Variants in ZFAT observed in about 807,000 individuals in gnomAD.
ZFAT encodes the protein zinc finger and AT-hook domain containing.
Under a neutral mutation model 117.7 loss-of-function variants are expected in ZFAT, and 64 were observed. That is an observed-to-expected ratio of 0.54 (90% CI 0.44 to 0.67). The LOEUF (loss-of-function observed/expected upper bound fraction) is 0.67. Among genes scored for constraint, ZFAT ranks in the 30% least tolerant of loss-of-function variants. ZFAT has a pLI of 0.00. For missense variants in ZFAT, 1,433 were observed against 1,584.5 expected (o/e 0.90, Z 1.62); for synonymous variants, 679 against 615.0 (o/e 1.10, Z -1.54).
the ZFAT span, among the ~76,000 whole-genome samples, chr8:134,829,313 G>C: frequency 6.6e-6 from 1 of 152,344 alleles, no homozygotes; most frequent in African/African-American, 2.4e-5. Context: ...TGTGGCCCAA[G>C]ACAATTCTTC....
chr8:134,616,139 G>A (rs545085408), intron 3 of ZFAT, among the ~76,000 whole-genome samples: 14 of 152,198 alleles, frequency 9.2e-5, no homozygotes, highest in Admixed American at 2.0e-4. Flanking sequence ...GTTCTCCACC[G>A]CACTCCTGTA....
At chr8:134,585,558 C>T (rs1224318004) in intron 9 of ZFAT, among the ~76,000 whole-genome samples, 1 of 152,178 alleles carries the variant, frequency 6.6e-6, no homozygotes, top group African/African-American at 2.4e-5. Flanking sequence ...CCAAGCAAAG[C>T]AACACAGAGA....
intron 1 of ZFAT, among the ~76,000 whole-genome samples, chr8:134,699,970 G>C (rs1208146123): frequency 6.6e-6 from 1 of 152,234 alleles, no homozygotes; most frequent in East Asian, 1.9e-4. Flanking sequence ...ACAGCTGCAA[G>C]TCCTGTGCAT....
the ZFAT span, among the ~76,000 whole-genome samples, chr8:134,760,631 G>A: frequency 6.6e-6 from 1 of 152,180 alleles, no homozygotes; most frequent in Non-Finnish European, 1.5e-5. Context: ...AGTACTAAAT[G>A]CTGGGAGGAA....
chr8:134,540,197 G>A (rs1008913300), intron 11 of ZFAT, among the ~76,000 whole-genome samples: 1 of 152,146 alleles, frequency 6.6e-6, no homozygotes, highest in South Asian at 2.1e-4. Context: ...GGAATGCAGG[G>A]GCAGGCAGCC....
chr8:134,514,361 C>T (rs974956425), intron 13 of ZFAT, among the ~76,000 whole-genome samples: 1 of 152,292 alleles, frequency 6.6e-6, no homozygotes, highest in South Asian at 2.1e-4. Context: ...ACTCGAGTGT[C>T]TATTTTGTTA....
intron 3 of ZFAT, among the ~76,000 whole-genome samples, chr8:134,611,668 G>T (rs1348795768): frequency 6.6e-6 from 1 of 152,200 alleles, no homozygotes; most frequent in Non-Finnish European, 1.5e-5. Flanking sequence ...ACTGGAAATC[G>T]AGATTTACAT....
In ZFAT at chr8:134,602,600, G is replaced by A. The variant is rs760939168; in HGVS notation, c.1119C>T (p.Ile373=). The A allele has an allele frequency of 8.7e-6, 14 of 1,614,036 alleles. No individual in the cohort carries two copies. The highest frequency in any genetic ancestry group is 1.3e-5 in the African/African-American group (1 of 74,950). The change falls in exon 6 of 16, where the codon ATC becomes ATT. Residue 373 remains isoleucine (I), a synonymous_variant. Transcript: ENST00000377838. ...TGTCCTGTGGGTCATGCGCGTCTCG[G>A]ATGTGCTTGATGAGGTTCTTGACGT... The part of the protein sequence containing the change: ...YSDVKNLIKH[I]RDAHDPQDKK...
intron 3 of ZFAT, among the ~76,000 whole-genome samples, chr8:134,629,848 A>C (rs1258104716): frequency 1.3e-5 from 2 of 152,162 alleles, no homozygotes; most frequent in African/African-American, 4.8e-5. Context: ...GGACTAATAC[A>C]CTGGCAAGTG....
chr8:134,562,205 A>G (rs1824102131), intron 11 of ZFAT, among the ~76,000 whole-genome samples: 1 of 152,220 alleles, frequency 6.6e-6, no homozygotes, highest in African/African-American at 2.4e-5. Flanking sequence ...TCGCGTGTAG[A>G]AGCCAGAAAT....
chr8:134,713,144 T>A, upstream of ZFAT: 1 of 344,808 alleles, frequency 2.9e-6, no homozygotes. Flanking sequence ...CTAACGCGCA[T>A]GCTCGCAGTC....
At chr8:134,786,403 C>T in the ZFAT span, among the ~76,000 whole-genome samples, 6 of 152,244 alleles carry the variant, frequency 3.9e-5, no homozygotes, top group African/African-American at 1.2e-4. Flanking sequence ...TATCATTTAT[C>T]GTACTAATAC....
In ZFAT at chr8:134,487,589, C is replaced by T. The variant is rs146398863; in HGVS notation, c.3493-8868G>A. Among the ~76,000 whole-genome samples, 339 of 152,338 alleles carry T rather than the reference C, an allele frequency of 2.2e-3. 1 individual carries two copies. The highest frequency in any genetic ancestry group is 7.5e-3 in the African/African-American group (313 of 41,574). On this transcript the variant is annotated intron_variant, in intron 15 of 15. Transcript: ENST00000377838. ...AGAAAAGCCAAGCTCCCCTGTTGGA[C>T]AGGCAAGGCCCTCCCTGCCTCACTC...
intron 3 of ZFAT, 41 bp from the exon 4 acceptor site, chr8:134,610,696 A>C (rs1393983609): frequency 1.9e-6 from 3 of 1,604,326 alleles, no homozygotes; most frequent in Non-Finnish European, 2.6e-6. Flanking sequence ...ATCCTTTTAT[A>C]TCAGTGGCAG....
intron 2 of ZFAT, among the ~76,000 whole-genome samples, chr8:134,648,644 T>C (rs754281035): frequency 6.6e-6 from 1 of 151,882 alleles, no homozygotes. Context: ...TAACAAGAGA[T>C]TGAATCAGTG....
chr8:134,661,581 T>C (rs1831934710), intron 1 of ZFAT, among the ~76,000 whole-genome samples: 1 of 152,058 alleles, frequency 6.6e-6, no homozygotes, highest in Non-Finnish European at 1.5e-5. Context: ...CAAGTGGCCA[T>C]GGCGGAATGA....
the ZFAT span, among the ~76,000 whole-genome samples, chr8:134,749,553 T>C: frequency 6.6e-6 from 1 of 152,216 alleles, no homozygotes; most frequent in Non-Finnish European, 1.5e-5. Context: ...AGGCCCCATC[T>C]TCCAACACCA....
At chr8:134,611,554 A>G (rs1239095488) in intron 3 of ZFAT, among the ~76,000 whole-genome samples, 1 of 152,172 alleles carries the variant, frequency 6.6e-6, no homozygotes, top group African/African-American at 2.4e-5. Flanking sequence ...ATCAATGTAC[A>G]TGGAGACCAG....
At chr8:134,520,817 G>T in intron 13 of ZFAT, 66 bp downstream of exon 13, 1 of 1,245,464 alleles carries the variant, frequency 8.0e-7, no homozygotes, top group Non-Finnish European at 1.2e-6. Flanking sequence ...CCCAGTATTT[G>T]GGTTTGCCTG....
Sources: gnomAD v4.1 joint callset for allele counts (sites outside exome capture counted in the v4.1 genomes callset) on GRCh38, gnomAD v4.1.1 for gene constraint, MANE v1.5 for transcripts, NCBI Gene and HGNC (gene_info 2026-07-23, HGNC 2026-07-21) for gene names.